Variants in DLG1 observed in about 807,000 individuals in gnomAD.
The protein encoded by DLG1 is discs large MAGUK scaffold protein 1.
A neutral mutation model predicts 123.4 loss-of-function variants in DLG1; 42 were observed. That is an observed-to-expected ratio of 0.34 (90% CI 0.27 to 0.44). The LOEUF (loss-of-function observed/expected upper bound fraction) is 0.44, where lower values mean the gene tolerates loss of function less well. DLG1 is among the 20% of genes least tolerant of loss of function. DLG1 has a pLI of 1.00. For missense variants in DLG1, 942 were observed against 1,082.6 expected (o/e 0.87, Z 1.82); for synonymous variants, 317 against 356.2 (o/e 0.89, Z 1.24).
chr3:197,055,825 C>G (rs950775561), intron 23 of DLG1, among the ~76,000 whole-genome samples: 27 of 152,298 alleles, frequency 1.8e-4, no homozygotes, highest in African/African-American at 6.3e-4. Context: ...ACTTCAGCCT[C>G]AAGTGGAGGG....
At chr3:197,272,724 G>C (rs1314226054) in intron 4 of DLG1, among the ~76,000 whole-genome samples, 1 of 151,840 alleles carries the variant, frequency 6.6e-6, no homozygotes, top group African/African-American at 2.4e-5. Flanking sequence ...TAAGAAAAAA[G>C]AAGCACACAA....
chr3:197,208,227 T>C (rs983278697), intron 4 of DLG1, among the ~76,000 whole-genome samples: 2 of 146,582 alleles, frequency 1.4e-5, no homozygotes, highest in East Asian at 2.0e-4. Context: ...CATTATCAGA[T>C]TGTCAAATAT....
intron 5 of DLG1, among the ~76,000 whole-genome samples, chr3:197,168,886 G>C (rs1201172185): frequency 1.3e-5 from 2 of 152,188 alleles, no homozygotes; most frequent in African/African-American, 4.8e-5. Context: ...CATGGCAACA[G>C]AGGCTATGAT....
chr3:197,218,905 G>A (rs1230320292), intron 4 of DLG1, among the ~76,000 whole-genome samples: 1 of 152,192 alleles, frequency 6.6e-6, no homozygotes, highest in Admixed American at 6.5e-5. Flanking sequence ...GCCGAGGCGG[G>A]CGGATCACCT....
chr3:197,059,054 T>C (rs138162501), intron 23 of DLG1, among the ~76,000 whole-genome samples: 1,947 of 152,246 alleles, frequency 0.013, 38 homozygotes, highest in African/African-American at 0.045. Flanking sequence ...GCATCCCGAG[T>C]AGCTGGGACT....
chr3:197,291,303 ACAC>A (rs1774783028), intron 3 of DLG1, among the ~76,000 whole-genome samples: 4 of 60,642 alleles, frequency 6.6e-5, no homozygotes, highest in African/African-American at 2.4e-4. Context: ...ACAAAGTTAC[ACAC>A]ACACACACAC....
chr3:197,286,530 G>A (rs577204457), intron 3 of DLG1, among the ~76,000 whole-genome samples: 9 of 152,276 alleles, frequency 5.9e-5, no homozygotes, highest in Non-Finnish European at 8.8e-5. Context: ...GCAATCGCTC[G>A]CCTGCCGCTC....
chr3:197,254,072 C>T (rs778354259), intron 4 of DLG1, among the ~76,000 whole-genome samples: 2 of 152,152 alleles, frequency 1.3e-5, no homozygotes, highest in Admixed American at 6.5e-5. Flanking sequence ...GGACCTGATA[C>T]AGATTGAGTG....
At chr3:197,136,778 A>AT (rs1785237539) in intron 9 of DLG1, 100 bp from the exon 10 acceptor site, 1 of 1,016,084 alleles carries the variant, frequency 9.8e-7, no homozygotes, top group East Asian at 2.5e-5. Context: ...TCACACTAAT[A>AT]TTTTTTAAAA....
chr3:197,257,105 A>T (rs1179093559), intron 4 of DLG1, among the ~76,000 whole-genome samples: 1 of 152,116 alleles, frequency 6.6e-6, no homozygotes, highest in Non-Finnish European at 1.5e-5. Context: ...AAATCTAAAA[A>T]ATCTGAAATA....
intron 5 of DLG1, among the ~76,000 whole-genome samples, chr3:197,173,133 G>A (rs191856639): frequency 2.0e-5 from 3 of 152,198 alleles, no homozygotes; most frequent in East Asian, 3.9e-4. Context: ...GTTAGTTGCT[G>A]TGGTTTCTGT....
At position 197,183,938 on chromosome 3, in the gene DLG1, T is replaced by C. The variant is rs1249069708; in HGVS notation, c.483+10487A>G. 3.5e-6 allele frequency: 5 copies of C among 1,434,292 alleles called. No individual in the cohort carries two copies. In the East Asian group the frequency reaches 1.3e-4, roughly 36 times the overall value. The allele number at this position is 1,434,292 out of a possible 1,614,324, so 88.8% of individuals were successfully genotyped here. ...TGTAGATCAGTGAAAATAAAAACCT[T>C]GAGAAATGATGCTCATTTTCTCAGT... On this transcript the variant is annotated intron_variant, in intron 5 of 24. Transcript: ENST00000667157.
At chr3:197,293,977 A>G (rs190591810) in intron 3 of DLG1, 4 of 153,262 alleles carry the variant, frequency 2.6e-5, no homozygotes, top group African/African-American at 9.6e-5. Context: ...TATGGACACA[A>G]TGAACTGGTT....
At chr3:197,053,371 T>G (rs1021666983) in intron 23 of DLG1, among the ~76,000 whole-genome samples, 7 of 152,232 alleles carry the variant, frequency 4.6e-5, no homozygotes, top group African/African-American at 7.2e-5. Context: ...TCCCTCATTT[T>G]TGAAGAATAG....
At chr3:197,131,705 T>C (rs1259580087) in intron 10 of DLG1, among the ~76,000 whole-genome samples, 1 of 142,706 alleles carries the variant, frequency 7.0e-6, no homozygotes, top group Non-Finnish European at 1.5e-5. Flanking sequence ...GCCATTCTCC[T>C]GCCTCAGCCT....
At position 197,281,562 on chromosome 3, in the gene DLG1, A is replaced by G. The variant is rs917827915; in HGVS notation, c.318+1117T>C. Among the ~76,000 whole-genome samples the G allele has an allele frequency of 1.3e-5, 2 of 152,202 alleles. 1 individual carries two copies. Among genetic ancestry groups the G allele is most frequent in the Admixed American group, 1.3e-4 (2 of 15,284 alleles). ...TAAAAGCAAGTGATGTATTAACCCAAAGAGTATGGAAATGGAAATTATCCT... is the reference window on the plus strand; with the variant it reads ...TAAAAGCAAGTGATGTATTAACCCAGAGAGTATGGAAATGGAAATTATCCT... On this transcript the variant is annotated intron_variant, in intron 4 of 24. Coordinates refer to ENST00000667157, the MANE Select transcript of DLG1 (RefSeq NM_001366207.1).
At chr3:197,140,831 G>A (rs186522490) in intron 7 of DLG1, among the ~76,000 whole-genome samples, 171 of 152,254 alleles carry the variant, frequency 1.1e-3, no homozygotes, top group African/African-American at 3.7e-3. Flanking sequence ...CAATATACCC[G>A]ATTAGCAAAA....
In DLG1 at chr3:197,136,556, C is replaced by T; in HGVS notation, c.1006G>A (p.Asp336Asn). Reference sequence around the variant, plus strand: ...CTTATACTTACTGCTAAAAGTTTATCTCCAATCTGAAGTTTGCCATCCTTA... The same window carrying T: ...CTTATACTTACTGCTAAAAGTTTATTTCCAATCTGAAGTTTGCCATCCTTA... ...AHKDGKLQIG[D>N]KLLAVNNVCL... Residue 336 changes from aspartate (D) to asparagine (N), a missense_variant, in exon 10 of 25, where the codon GAT becomes AAT. Transcript: ENST00000667157. 6.2e-7 allele frequency: 1 copy of T among 1,610,408 alleles called. No individual in the cohort carries two copies. The highest frequency in any genetic ancestry group is 8.5e-7 in the Non-Finnish European group (1 of 1,178,836).
intron 4 of DLG1, among the ~76,000 whole-genome samples, chr3:197,243,052 CCTGCGT>C (rs1480576707): frequency 6.6e-6 from 1 of 152,150 alleles, no homozygotes; most frequent in Non-Finnish European, 1.5e-5. Flanking sequence ...AAGGGTGCTG[CCTGCGT>C]TAGTTACGAT....
Sources: allele counts gnomAD v4.1 joint callset (sites outside exome capture counted in the v4.1 genomes callset), GRCh38; gene constraint gnomAD v4.1.1; transcripts MANE v1.5; gene names NCBI Gene and HGNC (gene_info 2026-07-23, HGNC 2026-07-21).